The following FAHD1 variants were observed in gnomAD, a reference collection of about 807,000 sequenced individuals.
FAHD1 encodes the protein oxaloacetate tautomerase FAHD1, mitochondrial.
A neutral mutation model predicts 12.7 loss-of-function variants in FAHD1; 14 were observed. That is an observed-to-expected ratio of 1.10 (90% confidence interval 0.73 to 1.72). The LOEUF (loss-of-function observed/expected upper bound fraction) is 1.72, where lower values mean the gene tolerates loss of function less well. FAHD1 is among the 40% of genes most tolerant of loss of function. FAHD1 has a pLI of 0.00. For synonymous variants in FAHD1, 153 were observed against 124.9 expected (o/e 1.22, Z -1.50); for missense variants, 351 against 298.9 (o/e 1.17, Z -1.29).
chr16:1,831,610 CAA>C (rs946431992), downstream of FAHD1, among the ~76,000 whole-genome samples: 1 of 152,014 alleles, frequency 6.6e-6, no homozygotes, highest in African/African-American at 2.4e-5. Flanking sequence ...CTATTAGAAA[CAA>C]TGATGCAAGG....
chr16:1,839,576 C>CAA (rs1406863784), exon 3 of FAHD1: 1 of 722,122 alleles, frequency 1.4e-6, no homozygotes, highest in Non-Finnish European at 2.2e-6. Flanking sequence ...ATGCGGTCTA[C>CAA]AAGACAGTCG....
intron 1 of FAHD1, chr16:1,837,612 G>GA: frequency 2.1e-6 from 1 of 466,660 alleles, no homozygotes; most frequent in Non-Finnish European, 3.9e-6. Context: ...TATACAATAT[G>GA]AAAAAACCCC....
At chr16:1,839,366 A>G (rs145222212) in exon 3 of FAHD1, 20 of 1,614,116 alleles carry the variant, frequency 1.2e-5, no homozygotes, top group Non-Finnish European at 1.7e-5. Context: ...AGACAGATTT[A>G]AAGTCCAAGG....
chr16:1,828,376 C>T (rs1472691504), exon 1 of FAHD1: 3 of 1,000,968 alleles, frequency 3.0e-6, no homozygotes, highest in East Asian at 1.1e-4. Context: ...TGAAGTAGAA[C>T]GGGTGGGCCA....
At chr16:1,830,914 C>G (rs113890743), downstream of FAHD1, among the ~76,000 whole-genome samples, 2 of 48,202 alleles carry the variant, frequency 4.1e-5, no homozygotes, top group Admixed American at 5.3e-4. Context: ...CTCTCTCTCT[C>G]TATACACACA....
chr16:1,834,764 T>C (rs772705622), intron 1 of FAHD1, among the ~76,000 whole-genome samples: 1 of 150,484 alleles, frequency 6.6e-6, no homozygotes, highest in South Asian at 2.1e-4. Context: ...GAAACTCCCA[T>C]TTCTACTAAA....
exon 1 of FAHD1, chr16:1,828,067 G>A (rs555673605): frequency 4.1e-4 from 533 of 1,293,982 alleles, no homozygotes; most frequent in Non-Finnish European, 5.0e-4. Context: ...GGCTCACGAC[G>A]TCAGGAGATC....
downstream of FAHD1, among the ~76,000 whole-genome samples, chr16:1,829,444 A>C (rs4786673): frequency 8.9e-3 from 1,350 of 152,308 alleles, 32 homozygotes; most frequent in Admixed American, 0.053. Flanking sequence ...AAAGTCACTC[A>C]GCTTAGTGGC....
At chr16:1,836,773 C>A (rs1030771873) in intron 1 of FAHD1, among the ~76,000 whole-genome samples, 1 of 147,198 alleles carries the variant, frequency 6.8e-6, no homozygotes, top group Non-Finnish European at 1.5e-5. Context: ...AACACTAATT[C>A]TCTCATCAGC....
chr16:1,833,802 C>T (rs893076494), downstream of FAHD1, among the ~76,000 whole-genome samples: 7 of 152,034 alleles, frequency 4.6e-5, no homozygotes, highest in African/African-American at 1.7e-4. Flanking sequence ...ACTGCCTTGG[C>T]ATCCCAAAGT....
intron 1 of FAHD1, chr16:1,837,689 T>C: frequency 1.5e-6 from 1 of 646,406 alleles, no homozygotes; most frequent in Non-Finnish European, 2.6e-6. Flanking sequence ...GCATTAGAAA[T>C]AATAAATTCT....
Position 1,834,222 on chromosome 16 carries a change from T to A in FAHD1, c.628-3794T>A, listed in dbSNP as rs760092071. 4 of 1,162,926 alleles carry A rather than the reference T, an allele frequency of 3.4e-6. No homozygotes were observed. In the Admixed American group the frequency reaches 5.7e-5, roughly 17 times the overall value. The allele number at this position is 1,162,926 out of a possible 1,614,324, so 72.0% of individuals were successfully genotyped here. A position where few individuals can be genotyped will look rare whatever the true frequency, so the allele number is the denominator to read the frequency against. ...CCATTTTAAAGGGAGTTAAAACTCT[T>A]ATACTTTTCCAGAGTTCAAAATGAT... On this transcript the variant is annotated intron_variant, in intron 1 of 2. Transcript: ENST00000382666.
At chr16:1,829,462 A>G (rs1286362195), downstream of FAHD1, among the ~76,000 whole-genome samples, 1 of 152,182 alleles carries the variant, frequency 6.6e-6, no homozygotes, top group East Asian at 1.9e-4. Flanking sequence ...GGCAGAGCCG[A>G]GATGTAACCC....
At chr16:1,838,422 T>A (rs1278900610) in intron 2 of FAHD1, among the ~76,000 whole-genome samples, 1 of 152,190 alleles carries the variant, frequency 6.6e-6, no homozygotes, top group Non-Finnish European at 1.5e-5. Context: ...AATTTGGAAC[T>A]AAAGTCTAAT....
At chr16:1,831,177 A>T (rs1013691005), downstream of FAHD1, among the ~76,000 whole-genome samples, 1 of 152,222 alleles carries the variant, frequency 6.6e-6, no homozygotes, top group East Asian at 1.9e-4. Context: ...AGTATTACAC[A>T]TCCACTTAAT....
exon 1 of FAHD1, chr16:1,828,562 G>C: frequency 1.0e-6 from 1 of 1,000,216 alleles, no homozygotes; most frequent in Non-Finnish European, 1.2e-6. Flanking sequence ...TTATGTTCCA[G>C]ATAACTTTCC....
chr16:1,832,799 C>A (rs1596956796), downstream of FAHD1, among the ~76,000 whole-genome samples: 1 of 152,086 alleles, frequency 6.6e-6, no homozygotes, highest in Non-Finnish European at 1.5e-5. Flanking sequence ...CCTCCCCATT[C>A]ACCTGGCTTC....
At chr16:1,828,458 C>CT (rs1439160965) in exon 1 of FAHD1, 1 of 1,000,876 alleles carries the variant, frequency 1.0e-6, no homozygotes, top group East Asian at 1.1e-4. Flanking sequence ...AAAGACTTTC[C>CT]TTTTGTAAAA....
At chr16:1,827,206 C>A (rs761280959) in exon 1 of FAHD1, 3 of 1,580,010 alleles carry the variant, frequency 1.9e-6, no homozygotes, top group Non-Finnish European at 2.6e-6. Context: ...ACCGGCCCAG[C>A]CCACGTGACT....
Sources: allele counts gnomAD v4.1 joint callset (sites outside exome capture counted in the v4.1 genomes callset), GRCh38; gene constraint gnomAD v4.1.1; transcripts MANE v1.5; gene names NCBI Gene and HGNC (gene_info 2026-07-23, HGNC 2026-07-21).